ZNF423: variants seen among roughly 807,000 people sequenced by gnomAD.
The protein encoded by ZNF423 is Ebf-associated zinc finger protein.
In ZNF423, 12 loss-of-function variants were observed where a neutral mutation model predicts 95.8. The observed-to-expected ratio is 0.13, with a 90% CI of 0.08 to 0.20. ZNF423 has a LOEUF of 0.20. Ranked by LOEUF, ZNF423 falls within the 10% of genes least tolerant of loss-of-function variation. ZNF423 has a pLI of 1.00. For synonymous variants in ZNF423, 749 were observed against 711.9 expected, an observed-to-expected ratio of 1.05 and a Z score of -0.83; for missense variants, 1,316 against 1,737.1, an observed-to-expected ratio of 0.76 and a Z score of 4.31.
At chr16:49,500,058 G>A (rs1281001683) in intron 7 of ZNF423, among the ~76,000 whole-genome samples, 1 of 152,162 alleles carries the variant, frequency 6.6e-6, no homozygotes, top group Non-Finnish European at 1.5e-5. Context: ...GATAGCAGCC[G>A]TGCAAGGGAA....
intron 3 of ZNF423, among the ~76,000 whole-genome samples, chr16:49,705,862 T>C (rs1456717408): frequency 6.6e-6 from 1 of 152,172 alleles, no homozygotes; most frequent in Non-Finnish European, 1.5e-5. Flanking sequence ...AGTAAGTTTA[T>C]ATAGCAAGCA....
In ZNF423 at chr16:49,636,285, G is replaced by A. The variant is rs1466336221; in HGVS notation, c.2891C>T (p.Ala964Val). 1 of 1,612,766 alleles carries A rather than the reference G, an allele frequency of 6.2e-7. No homozygotes were observed. The highest frequency in any genetic ancestry group is 1.7e-5 in the Admixed American group (1 of 60,034). ...REHLQTHRGP[A>V]KHYMCPICGE... ...ACAGATGGGACACATGTAGTGCTTG[G>A]CAGGGCCCCGGTGCGTCTGCAGGTG... The change falls in exon 4 of 8, where the codon GCC (alanine) becomes GTC (valine). Residue 964 changes from alanine to valine, a missense_variant. By Grantham distance (64) the Ala-to-Val change is moderately conservative. Transcript: ENST00000563137. The surrounding 1 kb of genome is among the most constrained non-coding windows in gnomAD (Gnocchi z 8.6).
intron 5 of ZNF423, among the ~76,000 whole-genome samples, chr16:49,567,673 T>C (rs1970235214): frequency 6.6e-6 from 1 of 152,118 alleles, no homozygotes; most frequent in Admixed American, 6.5e-5. Context: ...CAAATAGCCG[T>C]CCAGTGCAGG....
chr16:49,554,515 G>T (rs532120058), intron 5 of ZNF423, among the ~76,000 whole-genome samples: 1 of 152,206 alleles, frequency 6.6e-6, no homozygotes, highest in Admixed American at 6.5e-5. Flanking sequence ...ACTGGGCAGT[G>T]GGTGGTGAGC....
At chr16:49,790,157 T>C (rs923648191) in intron 1 of ZNF423, among the ~76,000 whole-genome samples, 1 of 152,244 alleles carries the variant, frequency 6.6e-6, no homozygotes, top group African/African-American at 2.4e-5. Flanking sequence ...ACTCTTGTCC[T>C]GGAATTAATC....
At chr16:49,563,096 C>T (rs1006989356) in intron 5 of ZNF423, among the ~76,000 whole-genome samples, 6 of 152,182 alleles carry the variant, frequency 3.9e-5, no homozygotes, top group Non-Finnish European at 5.9e-5. Context: ...CAGCTGTACG[C>T]ATTTTACATG....
chr16:49,701,416 G>T (rs2032178706), intron 3 of ZNF423, among the ~76,000 whole-genome samples: 1 of 151,950 alleles, frequency 6.6e-6, no homozygotes, highest in Non-Finnish European at 1.5e-5. Context: ...CGGGAGATTG[G>T]ACCATCTCCA....
chr16:49,784,492 A>G (rs902698949), intron 2 of ZNF423, among the ~76,000 whole-genome samples: 2 of 152,250 alleles, frequency 1.3e-5, no homozygotes, highest in African/African-American at 4.8e-5. Flanking sequence ...CCCATACAAT[A>G]GAATATTATA....
intron 2 of ZNF423, among the ~76,000 whole-genome samples, chr16:49,732,328 C>T (rs925432372): frequency 1.3e-5 from 2 of 152,152 alleles, no homozygotes; most frequent in African/African-American, 4.8e-5. Context: ...AAATATAACC[C>T]ACAGAATATA....
At chr16:49,554,769 G>T (rs1033117997) in intron 5 of ZNF423, among the ~76,000 whole-genome samples, 1 of 151,802 alleles carries the variant, frequency 6.6e-6, no homozygotes, top group Non-Finnish European at 1.5e-5. Context: ...GATAAAGATC[G>T]CCCTTAATTC....
At chr16:49,770,777 A>G (rs1454266992) in intron 2 of ZNF423, among the ~76,000 whole-genome samples, 1 of 152,184 alleles carries the variant, frequency 6.6e-6, no homozygotes, top group East Asian at 1.9e-4. Flanking sequence ...ATCACCCACC[A>G]ACGTGGCTCT....
chr16:49,569,143 G>A (rs1308969819), intron 5 of ZNF423, among the ~76,000 whole-genome samples: 1 of 152,128 alleles, frequency 6.6e-6, no homozygotes, highest in Non-Finnish European at 1.5e-5. Flanking sequence ...TCTGCTACCA[G>A]CATCCTTCTT....
intron 7 of ZNF423, among the ~76,000 whole-genome samples, chr16:49,495,259 G>A (rs1967115918): frequency 6.6e-6 from 1 of 152,204 alleles, no homozygotes; most frequent in Non-Finnish European, 1.5e-5. Flanking sequence ...CTGGATGGAG[G>A]TTTCTGGTAC....
chr16:49,848,513 C>T (rs1470153879), intron 1 of ZNF423, among the ~76,000 whole-genome samples: 1 of 152,144 alleles, frequency 6.6e-6, no homozygotes, highest in African/African-American at 2.4e-5. Flanking sequence ...ACCCAGGCCT[C>T]TGTCTCTCTC....
intron 5 of ZNF423, among the ~76,000 whole-genome samples, chr16:49,615,220 G>A (rs752391591): frequency 2.0e-5 from 3 of 152,016 alleles, no homozygotes; most frequent in South Asian, 2.1e-4. Flanking sequence ...GGCTTGAGGC[G>A]TGGAGAGGGT....
At chr16:49,690,517 A>C (rs2031738254) in intron 3 of ZNF423, among the ~76,000 whole-genome samples, 1 of 152,220 alleles carries the variant, frequency 6.6e-6, no homozygotes, top group South Asian at 2.1e-4. Context: ...CCAAAACTCT[A>C]TCTCTAAACA....
At chr16:49,743,689 T>TA (rs1477209586) in intron 2 of ZNF423, among the ~76,000 whole-genome samples, 1 of 151,976 alleles carries the variant, frequency 6.6e-6, no homozygotes. Flanking sequence ...CTAGGGCCTC[T>TA]ATTATAACCC....
At chr16:49,715,675 T>C (rs909710580) in intron 3 of ZNF423, among the ~76,000 whole-genome samples, 1 of 117,524 alleles carries the variant, frequency 8.5e-6, no homozygotes, top group African/African-American at 3.3e-5. Flanking sequence ...AGCCCAGGAG[T>C]TCAAGGCTCC....
chr16:49,838,760 G>A (rs1281928280), intron 1 of ZNF423, among the ~76,000 whole-genome samples: 1 of 151,844 alleles, frequency 6.6e-6, no homozygotes, highest in Non-Finnish European at 1.5e-5. Flanking sequence ...CGGGCCGCGT[G>A]AGCGAGCTGC....
Sources: allele counts gnomAD v4.1 joint callset (sites outside exome capture counted in the v4.1 genomes callset), GRCh38; gene constraint gnomAD v4.1.1; non-coding constraint Gnocchi (gnomAD v3.1); transcripts MANE v1.5; gene names NCBI Gene and HGNC (gene_info 2026-07-23, HGNC 2026-07-21).